Variants in GPHN observed in about 807,000 individuals in gnomAD.
GPHN encodes gephyrin.
Under a neutral mutation model 95.5 loss-of-function variants are expected in GPHN, and 17 were observed. The observed-to-expected ratio is 0.18, with a 90% CI of 0.12 to 0.27. The LOEUF is 0.27. GPHN is among the 10% of genes least tolerant of loss of function. GPHN has a pLI of 1.00. For synonymous variants in GPHN, 320 were observed against 322.5 expected, an observed-to-expected ratio of 0.99 and a Z score of 0.08; for missense variants, 660 against 978.1, an observed-to-expected ratio of 0.67 and a Z score of 4.34.
At chr14:66,730,515 G>A (rs1367254123) in intron 2 of GPHN, among the ~76,000 whole-genome samples, 1 of 152,044 alleles carries the variant, frequency 6.6e-6, no homozygotes, top group East Asian at 1.9e-4. Context: ...GTTGGGGTAG[G>A]GTGATATGTG....
intron 4 of GPHN, among the ~76,000 whole-genome samples, chr14:66,848,493 T>C (rs940408120): frequency 2.0e-5 from 3 of 152,146 alleles, no homozygotes; most frequent in African/African-American, 2.4e-5. Flanking sequence ...CTAAAGGCCA[T>C]CTGTAGAAAG....
the GPHN span, among the ~76,000 whole-genome samples, chr14:67,253,957 T>C: frequency 6.6e-6 from 1 of 150,400 alleles, no homozygotes; most frequent in Non-Finnish European, 1.5e-5. Context: ...GTTAATATTT[T>C]GTTTTGTTTT....
the GPHN span, chr14:67,208,592 A>G: frequency 1.7e-5 from 16 of 920,542 alleles, no homozygotes; most frequent in Non-Finnish European, 2.2e-5. Context: ...TGATATAGTC[A>G]ACTCTGAATG....
chr14:66,604,193 A>G (rs966986276), intron 1 of GPHN, among the ~76,000 whole-genome samples: 5 of 152,094 alleles, frequency 3.3e-5, no homozygotes, highest in Admixed American at 2.0e-4. Flanking sequence ...ATAGGCAGTA[A>G]TATAGGTGGT....
chr14:67,536,830 GT>G, the GPHN span, among the ~76,000 whole-genome samples: 1 of 151,790 alleles, frequency 6.6e-6, no homozygotes, highest in South Asian at 2.1e-4. Flanking sequence ...ATCACCTGAG[GT>G]CAGGAGTTTG....
At chr14:67,559,119 C>T in the GPHN span, among the ~76,000 whole-genome samples, 94,127 of 152,170 alleles carry the variant, frequency 0.62, 29,327 homozygotes, top group Non-Finnish European at 0.65. Flanking sequence ...TGCTCCTCTT[C>T]AGATGCCAAC....
chr14:67,065,660 A>C (rs1284269240), intron 11 of GPHN, among the ~76,000 whole-genome samples: 3 of 151,430 alleles, frequency 2.0e-5, no homozygotes, highest in Non-Finnish European at 2.9e-5. Flanking sequence ...TTCCTGCTGC[A>C]TTGATCCCTT....
chr14:67,686,741 G>A, the GPHN span, among the ~76,000 whole-genome samples: 1 of 151,942 alleles, frequency 6.6e-6, no homozygotes, highest in Non-Finnish European at 1.5e-5. Context: ...AAACGCTGGG[G>A]CCAGACATAC....
intron 5 of GPHN, among the ~76,000 whole-genome samples, chr14:66,895,110 A>G (rs140647364): frequency 0.012 from 1,836 of 152,338 alleles, 20 homozygotes; most frequent in Non-Finnish European, 0.018. Context: ...AACCAACCCA[A>G]ATGTCCATCA....
the GPHN span, among the ~76,000 whole-genome samples, chr14:67,227,308 C>T: frequency 1.3e-5 from 2 of 151,662 alleles, no homozygotes; most frequent in Non-Finnish European, 2.9e-5. Flanking sequence ...GGCATGGTGG[C>T]GCATGACTGT....
At chr14:66,568,678 T>C (rs780790671) in intron 1 of GPHN, among the ~76,000 whole-genome samples, 34 of 152,130 alleles carry the variant, frequency 2.2e-4, no homozygotes. Flanking sequence ...TTGAATTCTA[T>C]CAAAAGCCTA....
At chr14:67,049,909 T>C (rs774659104) in intron 10 of GPHN, among the ~76,000 whole-genome samples, 4 of 152,184 alleles carry the variant, frequency 2.6e-5, no homozygotes, top group Non-Finnish European at 5.9e-5. Context: ...AGGTGCTTAA[T>C]TGATATTGAA....
the GPHN span, among the ~76,000 whole-genome samples, chr14:67,723,154 T>G: frequency 2.6e-5 from 4 of 152,226 alleles, no homozygotes; most frequent in Admixed American, 6.5e-5. Context: ...CCTTTGAGAC[T>G]ACCCTCAATT....
At chr14:66,831,115 G>A (rs1225584054) in intron 4 of GPHN, among the ~76,000 whole-genome samples, 1 of 152,036 alleles carries the variant, frequency 6.6e-6, no homozygotes, top group East Asian at 1.9e-4. Context: ...GTGAAAGAGA[G>A]TGAGAATTTA....
At chr14:67,204,476 A>G in the GPHN span, 4 of 1,486,614 alleles carry the variant, frequency 2.7e-6, no homozygotes. Context: ...TATATAAGAA[A>G]GGCCTTTTTA....
the GPHN span, among the ~76,000 whole-genome samples, chr14:67,526,917 C>G: frequency 1.3e-5 from 2 of 152,160 alleles, no homozygotes; most frequent in African/African-American, 2.4e-5. Flanking sequence ...GACACACCAT[C>G]GAAAACCCTG....
At chr14:66,783,789 A>G (rs980479272) in intron 3 of GPHN, among the ~76,000 whole-genome samples, 1 of 152,228 alleles carries the variant, frequency 6.6e-6, no homozygotes, top group Non-Finnish European at 1.5e-5. Flanking sequence ...TCTACCTTAC[A>G]GTCTTAAATT....
chr14:67,729,274 T>C, the GPHN span: 2 of 1,606,588 alleles, frequency 1.2e-6, no homozygotes, highest in Admixed American at 1.7e-5. Flanking sequence ...CTGCCTGCTC[T>C]GGCGGCTCTT....
intron 1 of GPHN, among the ~76,000 whole-genome samples, chr14:66,586,651 T>C (rs2061432526): frequency 6.6e-6 from 1 of 152,224 alleles, no homozygotes; most frequent in Admixed American, 6.5e-5. Context: ...TTATGAAGCT[T>C]AGTTTGGCTG....
Sources: gnomAD v4.1 joint callset for allele counts (sites outside exome capture counted in the v4.1 genomes callset) on GRCh38, gnomAD v4.1.1 for gene constraint, MANE v1.5 for transcripts, NCBI Gene and HGNC (gene_info 2026-07-23, HGNC 2026-07-21) for gene names.